EYA4: variants seen among roughly 807,000 people sequenced by gnomAD.
EYA4 encodes the protein protein phosphatase EYA4.
A neutral mutation model predicts 87.9 loss-of-function variants in EYA4; 31 were observed. That is an observed-to-expected ratio of 0.35 (90% CI 0.27 to 0.48). The LOEUF (loss-of-function observed/expected upper bound fraction) is 0.48, where lower values mean the gene tolerates loss of function less well. Ranked by LOEUF, EYA4 falls within the 20% of genes least tolerant of loss-of-function variation. The probability of loss-of-function intolerance (pLI) is 0.99; values close to 1 mark genes in which losing one functional copy is unlikely to be tolerated. For synonymous variants in EYA4, 263 were observed against 270.6 expected (o/e 0.97, Z 0.28); for missense variants, 678 against 761.4 (o/e 0.89, Z 1.29).
chr6:133,305,132 A>G (rs1354944398), intron 2 of EYA4, among the ~76,000 whole-genome samples: 1 of 152,162 alleles, frequency 6.6e-6, no homozygotes, highest in Non-Finnish European at 1.5e-5. Context: ...CAAAGACCCC[A>G]AATTTAATGC....
intron 3 of EYA4, among the ~76,000 whole-genome samples, chr6:133,423,706 A>G (rs995890734): frequency 6.6e-6 from 1 of 152,220 alleles, no homozygotes; most frequent in African/African-American, 2.4e-5. Flanking sequence ...TCAGTTTGAC[A>G]TATGTATGTG....
At chr6:133,396,027 C>T (rs1036770132) in intron 3 of EYA4, among the ~76,000 whole-genome samples, 2 of 152,170 alleles carry the variant, frequency 1.3e-5, no homozygotes, top group African/African-American at 4.8e-5. Flanking sequence ...CTTCTTTTCT[C>T]CCTTCCCCTT....
intron 2 of EYA4, among the ~76,000 whole-genome samples, chr6:133,320,409 G>A (rs1368553303): frequency 6.6e-6 from 1 of 151,194 alleles, no homozygotes; most frequent in African/African-American, 2.4e-5. Context: ...TTAGAGTTTG[G>A]TTTTATTTTT....
intron 3 of EYA4, among the ~76,000 whole-genome samples, chr6:133,385,095 C>G (rs1381611729): frequency 6.6e-6 from 1 of 151,680 alleles, no homozygotes; most frequent in Non-Finnish European, 1.5e-5. Flanking sequence ...GTCAGGAGAT[C>G]GAGACCATCC....
intron 3 of EYA4, among the ~76,000 whole-genome samples, chr6:133,403,695 GTC>G (rs1788452577): frequency 6.6e-6 from 1 of 152,146 alleles, no homozygotes; most frequent in Non-Finnish European, 1.5e-5. Flanking sequence ...ATAAATCATA[GTC>G]TTCTATTTGC....
chr6:133,267,158 G>A (rs1332643983), intron 1 of EYA4, among the ~76,000 whole-genome samples: 1 of 152,080 alleles, frequency 6.6e-6, no homozygotes, highest in Non-Finnish European at 1.5e-5. Flanking sequence ...GTTTTACTTT[G>A]TGCTTCTGTA....
chr6:133,531,352 C>A lies in EYA4; in HGVS notation c.*2547C>A. ...ACAAACTAGAACTCTTCCCTTCCCA[C>A]CTTAGGAATAGAAAATCCTCTTCCT... On this transcript the variant is annotated 3_prime_UTR_variant, in exon 20 of 20. Transcript: ENST00000355286. 1.5e-6 allele frequency: 1 copy of A among 649,040 alleles called. No individual in the cohort carries two copies. Among genetic ancestry groups the A allele is most frequent in the Non-Finnish European group, 2.6e-6 (1 of 390,356 alleles). 40.2% of individuals were successfully genotyped at this position (649,040 alleles called of 1,614,324 possible).
intron 2 of EYA4, among the ~76,000 whole-genome samples, chr6:133,317,857 G>A (rs941496504): frequency 4.1e-5 from 6 of 146,542 alleles, no homozygotes; most frequent in African/African-American, 1.3e-4. Flanking sequence ...TCCCATGCCC[G>A]CATCCAGGCA....
At chr6:133,277,245 G>A (rs1777253213) in intron 2 of EYA4, among the ~76,000 whole-genome samples, 1 of 152,074 alleles carries the variant, frequency 6.6e-6, no homozygotes, top group African/African-American at 2.4e-5. Context: ...TTCCTTCATT[G>A]CAATTTTTAA....
intron 3 of EYA4, among the ~76,000 whole-genome samples, chr6:133,399,666 C>G (rs2128511372): frequency 6.6e-6 from 1 of 152,258 alleles, no homozygotes; most frequent in East Asian, 1.9e-4. Flanking sequence ...AACGAAAGTT[C>G]CCATCAAATG....
chr6:133,290,694 T>C (rs1187282996), intron 2 of EYA4, among the ~76,000 whole-genome samples: 2 of 152,184 alleles, frequency 1.3e-5, no homozygotes, highest in Non-Finnish European at 2.9e-5. Context: ...TACTAGGTGG[T>C]AGGACCTTTA....
At chr6:133,440,238 ATAAT>A (rs35032385) in intron 3 of EYA4, among the ~76,000 whole-genome samples, 44,872 of 151,948 alleles carry the variant, frequency 0.3, 6,811 homozygotes, top group East Asian at 0.44. Context: ...AAAAATGTAC[ATAAT>A]TAATTAGCAC....
At chr6:133,502,942 G>C (rs1191020248) in intron 13 of EYA4, among the ~76,000 whole-genome samples, 3 of 152,132 alleles carry the variant, frequency 2.0e-5, no homozygotes, top group Non-Finnish European at 4.4e-5. Flanking sequence ...AGTTACAAAT[G>C]ATATTTTGCC....
chr6:133,375,512 T>C (rs1474549953), intron 2 of EYA4, among the ~76,000 whole-genome samples: 1 of 151,816 alleles, frequency 6.6e-6, no homozygotes, highest in Non-Finnish European at 1.5e-5. Flanking sequence ...TCCTGAGGTA[T>C]GTAATAGGAA....
At chr6:133,256,565 AT>A (rs1320505979) in intron 1 of EYA4, among the ~76,000 whole-genome samples, 1 of 152,100 alleles carries the variant, frequency 6.6e-6, no homozygotes, top group Non-Finnish European at 1.5e-5. Context: ...ACATTACTCC[AT>A]TATAAATGTG....
chr6:133,438,514 C>T (rs751809492), intron 3 of EYA4, among the ~76,000 whole-genome samples: 1 of 150,938 alleles, frequency 6.6e-6, no homozygotes, highest in African/African-American at 2.4e-5. Flanking sequence ...TCATCAAAAC[C>T]CAGCTAAGAA....
At chr6:133,289,362 A>G (rs927402038) in intron 2 of EYA4, among the ~76,000 whole-genome samples, 5 of 152,202 alleles carry the variant, frequency 3.3e-5, no homozygotes, top group African/African-American at 1.2e-4. Context: ...CTTAAGTAGT[A>G]TAAAGAAGAT....
intron 3 of EYA4, among the ~76,000 whole-genome samples, chr6:133,421,118 T>C (rs1790182884): frequency 6.6e-6 from 1 of 152,196 alleles, no homozygotes. Flanking sequence ...AAGACAAGGC[T>C]AGTTACGGCC....
chr6:133,420,739 C>T (rs1790148213), intron 3 of EYA4, among the ~76,000 whole-genome samples: 1 of 152,228 alleles, frequency 6.6e-6, no homozygotes, highest in Non-Finnish European at 1.5e-5. Flanking sequence ...CCATAGGTGA[C>T]AGTAAGCTAA....
Sources: allele counts gnomAD v4.1 joint callset (sites outside exome capture counted in the v4.1 genomes callset), GRCh38; gene constraint gnomAD v4.1.1; transcripts MANE v1.5; gene names NCBI Gene and HGNC (gene_info 2026-07-23, HGNC 2026-07-21).